IPCEF1: variants seen among roughly 807,000 people sequenced by gnomAD.
IPCEF1 encodes the protein interactor protein for cytohesin exchange factors 1.
IPCEF1 carries 31 observed loss-of-function variants against 50.9 expected under a neutral mutation model. That is an observed-to-expected ratio of 0.61 (90% CI 0.46 to 0.82). The LOEUF (loss-of-function observed/expected upper bound fraction) is 0.82, where lower values mean the gene tolerates loss of function less well. Ranked by LOEUF, IPCEF1 falls within the 40% of genes least tolerant of loss-of-function variation. The pLI, the probability that IPCEF1 is intolerant of heterozygous loss-of-function variation, is 0.00. For missense variants in IPCEF1, 458 were observed against 514.0 expected (o/e 0.89, Z 1.05); for synonymous variants, 181 against 192.0 (o/e 0.94, Z 0.47).
intron 9 of IPCEF1, among the ~76,000 whole-genome samples, chr6:154,201,187 A>G (rs1777041308): frequency 6.6e-6 from 1 of 152,186 alleles, no homozygotes. Flanking sequence ...TCTTTTCTTT[A>G]TAAATTACCC....
chr6:154,354,548 C>T (rs1784182181), intron 1 of IPCEF1, among the ~76,000 whole-genome samples: 1 of 151,832 alleles, frequency 6.6e-6, no homozygotes, highest in African/African-American at 2.4e-5. Context: ...ATCTCCATTA[C>T]CACCTCCACC....
rs149804601 is a variant in IPCEF1 at position 154,204,384 on chromosome 6, A to G, written c.538-4344T>C. Among the ~76,000 whole-genome samples the G allele has an allele frequency of 6.3e-3, 962 of 152,318 alleles. 10 individuals carry two copies. Among genetic ancestry groups the G allele is most frequent in the African/African-American group, 0.019 (774 of 41,570 alleles). ...CAAAAAAGTCTAAACAAAACAAAAC[A>G]AAACCAAAATGACAAGAAAGGAAGA... On this transcript the variant is annotated intron_variant, in intron 9 of 11. Coordinates refer to ENST00000367220, the MANE Select transcript of IPCEF1 (RefSeq NM_001130700.2).
chr6:154,176,945 T>C (rs543521653), intron 10 of IPCEF1, among the ~76,000 whole-genome samples: 2 of 152,112 alleles, frequency 1.3e-5, no homozygotes, highest in East Asian at 3.9e-4. Flanking sequence ...AACAGAGATA[T>C]AGACCAATGG....
At position 154,265,359 on chromosome 6, in the gene IPCEF1, C is replaced by T. The variant is rs544625315; in HGVS notation, c.36+553G>A. Among the ~76,000 whole-genome samples the T allele has an allele frequency of 3.1e-3, 477 of 151,998 alleles. 2 individuals carry two copies. The highest frequency in any genetic ancestry group is 0.011 in the African/African-American group (456 of 41,460). On this transcript the variant is annotated intron_variant, in intron 3 of 11. Coordinates refer to ENST00000367220, the MANE Select transcript of IPCEF1 (RefSeq NM_001130700.2). ...GCAGTGGCGCGATCTCGGCTCACTG[C>T]AACCTCCACTTCCCAGGTTCAAGTG...
At position 154,313,067 on chromosome 6, in the gene IPCEF1, C is replaced by CAAAAAAAGAAAAAAAA. The variant is rs548390330; in HGVS notation, c.-61-23312_-61-23311insTTTTTTTTCTTTTTTT. ...CACTGCAGGCTGTGAGGCCCTGTCT[C>CAAAAAAAGAAAAAAAA]AAAAAAAAAAAAAAAAAAACATGGC... On this transcript the variant is annotated intron_variant, in intron 1 of 11. Coordinates refer to ENST00000367220, the MANE Select transcript of IPCEF1 (RefSeq NM_001130700.2). Among the ~76,000 whole-genome samples, 19 of 59,040 alleles carry CAAAAAAAGAAAAAAAA rather than the reference C, an allele frequency of 3.2e-4. 2 individuals carry two copies. Among genetic ancestry groups the CAAAAAAAGAAAAAAAA allele is most frequent in the African/African-American group, 1.9e-3 (18 of 9,548 alleles). The allele number at this position is 59,040 out of a possible 152,430, so 38.7% of individuals were successfully genotyped here.
At chr6:154,340,008 G>C (rs1037349568) in intron 1 of IPCEF1, among the ~76,000 whole-genome samples, 13 of 152,148 alleles carry the variant, frequency 8.5e-5, no homozygotes, top group Admixed American at 5.2e-4. Flanking sequence ...TTAGATCAAG[G>C]CTGGAAAGAT....
At chr6:154,319,107 T>C (rs768167796) in intron 1 of IPCEF1, among the ~76,000 whole-genome samples, 7 of 152,252 alleles carry the variant, frequency 4.6e-5, no homozygotes, top group African/African-American at 7.2e-5. Flanking sequence ...CTGGTTATAA[T>C]TGAACATACC....
At chr6:154,266,584 A>G (rs1035499436) in intron 2 of IPCEF1, among the ~76,000 whole-genome samples, 4 of 146,496 alleles carry the variant, frequency 2.7e-5, no homozygotes, top group African/African-American at 1.0e-4. Flanking sequence ...ATATATATAT[A>G]TACACACAAA....
chr6:154,315,742 G>C (rs1174076865), intron 1 of IPCEF1, among the ~76,000 whole-genome samples: 4 of 152,136 alleles, frequency 2.6e-5, no homozygotes, highest in Admixed American at 2.6e-4. Context: ...GGAAAACAGA[G>C]TCAAATTTGA....
At chr6:154,232,913 A>G (rs1014057562) in intron 5 of IPCEF1, among the ~76,000 whole-genome samples, 1 of 152,174 alleles carries the variant, frequency 6.6e-6, no homozygotes, top group Non-Finnish European at 1.5e-5. Flanking sequence ...GGTGAAAAGA[A>G]AACAAAAGAG....
intron 11 of IPCEF1, among the ~76,000 whole-genome samples, chr6:154,165,038 C>G (rs373332261): frequency 6.6e-6 from 1 of 152,166 alleles, no homozygotes; most frequent in Non-Finnish European, 1.5e-5. Flanking sequence ...ATTGTTAAAA[C>G]AGTTTCCTTG....
chr6:154,338,301 C>G (rs1431224248), intron 1 of IPCEF1, among the ~76,000 whole-genome samples: 1 of 152,144 alleles, frequency 6.6e-6, no homozygotes, highest in Non-Finnish European at 1.5e-5. Flanking sequence ...CATACTTTAG[C>G]TAGAAGAAAT....
At chr6:154,217,159 G>T in intron 7 of IPCEF1, 1 of 166,886 alleles carries the variant, frequency 6.0e-6, no homozygotes. Context: ...CCAAACAGTG[G>T]GGCTGGACAC....
chr6:154,288,040 G>A (rs1416632582), intron 2 of IPCEF1, among the ~76,000 whole-genome samples: 3 of 152,134 alleles, frequency 2.0e-5, no homozygotes, highest in African/African-American at 2.4e-5. Context: ...CTTAGAAGAC[G>A]TCTATACAGC....
intron 7 of IPCEF1, 77 bp downstream of exon 7, chr6:154,221,180 T>C (rs1288972079): frequency 3.0e-6 from 3 of 1,005,376 alleles, no homozygotes; most frequent in African/African-American, 1.6e-5. Flanking sequence ...TATGGACATA[T>C]GATTAGAATT....
chr6:154,282,282 ACATAAAC>A (rs1782236246), intron 2 of IPCEF1, among the ~76,000 whole-genome samples: 1 of 152,242 alleles, frequency 6.6e-6, no homozygotes, highest in Non-Finnish European at 1.5e-5. Context: ...CAGAGAAAAG[ACATAAAC>A]CAAGAAACCA....
intron 1 of IPCEF1, among the ~76,000 whole-genome samples, chr6:154,350,049 G>A (rs1197255070): frequency 6.6e-6 from 1 of 152,098 alleles, no homozygotes; most frequent in East Asian, 1.9e-4. Context: ...TGAAATCCTG[G>A]CTATTTATGC....
intron 2 of IPCEF1, among the ~76,000 whole-genome samples, chr6:154,269,363 T>C (rs1476501170): frequency 2.0e-5 from 3 of 152,172 alleles, no homozygotes; most frequent in East Asian, 3.9e-4. Context: ...GTCACTGGCA[T>C]GGGTGGTGGA....
chr6:154,354,067 C>T (rs533606385), intron 1 of IPCEF1, among the ~76,000 whole-genome samples: 2 of 152,300 alleles, frequency 1.3e-5, no homozygotes, highest in African/African-American at 4.8e-5. Flanking sequence ...ATATCGATAA[C>T]TGCCATTTAA....
Sources: allele counts gnomAD v4.1 joint callset (sites outside exome capture counted in the v4.1 genomes callset), GRCh38; gene constraint gnomAD v4.1.1; transcripts MANE v1.5; gene names NCBI Gene and HGNC (gene_info 2026-07-23, HGNC 2026-07-21).